Variants in VSNL1 observed in about 807,000 individuals in gnomAD.
VSNL1 encodes the protein visinin like 1.
In VSNL1, 6 loss-of-function variants were observed where a neutral mutation model predicts 20.4. That is an observed-to-expected ratio of 0.29 (90% CI 0.16 to 0.58). The LOEUF is 0.58. VSNL1 is among the 20% of genes least tolerant of loss of function. VSNL1 has a pLI of 0.90. For synonymous variants in VSNL1, 93 were observed against 86.4 expected (o/e 1.08, Z -0.42); for missense variants, 100 against 234.5 (o/e 0.43, Z 3.75).
At chr2:17,578,192 G>A (rs1266517942) in intron 1 of VSNL1, among the ~76,000 whole-genome samples, 2 of 152,122 alleles carry the variant, frequency 1.3e-5, no homozygotes, top group African/African-American at 4.8e-5. Flanking sequence ...TCCCTTCCCA[G>A]CTAGTAGATG....
rs545759912 is a variant in VSNL1 at position 17,542,094 on chromosome 2, A to G, written c.-6+1176A>G. Among the ~76,000 whole-genome samples the G allele has an allele frequency of 1.0e-3, 157 of 152,314 alleles. 1 individual carries two copies. Among genetic ancestry groups the G allele is most frequent in the African/African-American group, 3.5e-3 (144 of 41,564 alleles). Reference sequence around the variant, plus strand: ...AAGCTGGGGAGTTTTATTTCTACATATTAATATTTATTTTAATTTCTAAAG... The same window carrying G: ...AAGCTGGGGAGTTTTATTTCTACATGTTAATATTTATTTTAATTTCTAAAG... On this transcript the variant is annotated intron_variant, in intron 1 of 3. Coordinates refer to ENST00000295156, the MANE Select transcript of VSNL1 (RefSeq NM_003385.5).
chr2:17,630,154 G>A (rs899989451), intron 2 of VSNL1, among the ~76,000 whole-genome samples: 1 of 152,142 alleles, frequency 6.6e-6, no homozygotes, highest in African/African-American at 2.4e-5. Context: ...CTTGGATTTC[G>A]GGCTTTCAAC....
intron 2 of VSNL1, among the ~76,000 whole-genome samples, chr2:17,642,682 T>C (rs1259693863): frequency 1.3e-5 from 2 of 152,200 alleles, no homozygotes; most frequent in African/African-American, 2.4e-5. Context: ...TCATTTTTTA[T>C]AAAAAAGCAG....
At chr2:17,547,633 C>A (rs1332727620) in intron 1 of VSNL1, among the ~76,000 whole-genome samples, 1 of 152,046 alleles carries the variant, frequency 6.6e-6, no homozygotes, top group East Asian at 1.9e-4. Context: ...GGTATGGATG[C>A]ACAGAATTAT....
Position 17,642,309 on chromosome 2 carries a change from C to CTTTT in VSNL1, c.163-7087_163-7084dup, listed in dbSNP as rs577471307. Among the ~76,000 whole-genome samples the CTTTT allele has an allele frequency of 8.3e-4, 77 of 93,240 alleles. 11 individuals are homozygous for CTTTT. Among genetic ancestry groups the CTTTT allele is most frequent in the South Asian group, 1.9e-3 (5 of 2,588 alleles). The allele number at this position is 93,240 out of a possible 152,430, so 61.2% of individuals were successfully genotyped here. A position where few individuals can be genotyped will look rare whatever the true frequency, so the allele number is the denominator to read the frequency against. On this transcript the variant is annotated intron_variant, in intron 2 of 3. Coordinates refer to ENST00000295156, the MANE Select transcript of VSNL1 (RefSeq NM_003385.5). ...CTGGCTTTTCCCATGGTGAGCATTC[C>CTTTT]TTTTTTTTTTTTTTTTTGAGACAGA...
rs547169902 is a variant in VSNL1, at chr2:17,543,278, G to A, written c.-6+2360G>A. 2.6e-5 allele frequency among the ~76,000 whole-genome samples: 4 copies of A among 152,328 alleles called. No homozygotes were observed. In the South Asian group the frequency reaches 6.2e-4, roughly 24 times the overall value. On this transcript the variant is annotated intron_variant, in intron 1 of 3. Transcript: ENST00000295156. ...CTTGGCGTTTGCCGGGAGCACTAGCGTATCAGAATCTGCAGTTCCTGTTTG... is the reference window on the plus strand; with the variant it reads ...CTTGGCGTTTGCCGGGAGCACTAGCATATCAGAATCTGCAGTTCCTGTTTG...
At chr2:17,570,898 G>A (rs980968546) in intron 1 of VSNL1, among the ~76,000 whole-genome samples, 4 of 151,990 alleles carry the variant, frequency 2.6e-5, no homozygotes, top group Non-Finnish European at 5.9e-5. Flanking sequence ...TACCAGGTGC[G>A]GTGGTGGCGC....
rs144441857 is a variant in VSNL1, at chr2:17,550,655, T to C, written c.-6+9737T>C. Among the ~76,000 whole-genome samples, 357 of 152,264 alleles carry C rather than the reference T, an allele frequency of 2.3e-3. 1 individual carries two copies. Among genetic ancestry groups the C allele is most frequent in the African/African-American group, 8.5e-3 (351 of 41,538 alleles). On this transcript the variant is annotated intron_variant, in intron 1 of 3. Transcript: ENST00000295156. ...CATATACAGACCCAAATAATGTGAGTAAGGACAGTAAGACCAACAGGAGAA... is the reference window on the plus strand; with the variant it reads ...CATATACAGACCCAAATAATGTGAGCAAGGACAGTAAGACCAACAGGAGAA...
At chr2:17,540,534 A>T (rs77107028), upstream of VSNL1, 1 of 152,708 alleles carries the variant, frequency 6.5e-6, no homozygotes, top group Non-Finnish European at 1.5e-5. Context: ...AGCATGCGCC[A>T]TCGCCAGGCG....
At chr2:17,615,645 C>T (rs1456344643) in intron 2 of VSNL1, among the ~76,000 whole-genome samples, 1 of 152,224 alleles carries the variant, frequency 6.6e-6, no homozygotes, top group Admixed American at 6.5e-5. Context: ...TGGAGCTGGA[C>T]ATTTGTTTAG....
At position 17,655,129 on chromosome 2, in the gene VSNL1, G is replaced by C. The variant is rs1666199557; in HGVS notation, c.379-68G>C. On this transcript the variant is annotated intron_variant, in intron 3 of 3. Coordinates refer to ENST00000295156, the MANE Select transcript of VSNL1 (RefSeq NM_003385.5). This position sits in a 1 kb window ranked among gnomAD's most constrained non-coding sequence, Gnocchi z 5.2. ...GGGTGGGATCCCGTCAGGTGAAAGG[G>C]AGGCAAGAAGAGCTCTCTGTCCTCC... is the stretch of plus-strand genomic sequence containing the variant. 1 of 1,528,020 alleles carries C rather than the reference G, an allele frequency of 6.5e-7. No individual in the cohort carries two copies. The highest frequency in any genetic ancestry group is 9.0e-7 in the Non-Finnish European group (1 of 1,113,842). 94.7% of individuals were successfully genotyped at this position (1,528,020 alleles called of 1,614,324 possible). A position where few individuals can be genotyped will look rare whatever the true frequency, so the allele number is the denominator to read the frequency against.
chr2:17,615,952 C>G (rs1665207330), intron 2 of VSNL1, among the ~76,000 whole-genome samples: 1 of 152,184 alleles, frequency 6.6e-6, no homozygotes, highest in Non-Finnish European at 1.5e-5. Flanking sequence ...TCATTTTAGT[C>G]CAATTATCAT....
intron 1 of VSNL1, among the ~76,000 whole-genome samples, chr2:17,551,880 T>G (rs1036478229): frequency 7.6e-6 from 1 of 131,302 alleles, no homozygotes; most frequent in African/African-American, 2.9e-5. Flanking sequence ...CTAATAATAA[T>G]AGCTAGCAAT....
Position 17,604,606 on chromosome 2 carries a change from C to T in VSNL1, c.162+12370C>T, listed in dbSNP as rs1664902388. ...CGGGTAAAAACAGTAACACGGTGTT[C>T]CCGTGAGAACCAGCTGGGCCTGGCT... On this transcript the variant is annotated intron_variant, in intron 2 of 3. Transcript: ENST00000295156. Among the ~76,000 whole-genome samples the T allele has an allele frequency of 2.6e-5, 4 of 152,256 alleles. No individual in the cohort carries two copies. The South Asian group carries it at 8.3e-4, about 31-fold the overall frequency.
chr2:17,545,528 A>G (rs1300121582), intron 1 of VSNL1, among the ~76,000 whole-genome samples: 1 of 152,160 alleles, frequency 6.6e-6, no homozygotes, highest in African/African-American at 2.4e-5. Context: ...CTCCACTTAG[A>G]TCATGCTCTC....
chr2:17,559,476 A>C (rs1663763983), intron 1 of VSNL1, among the ~76,000 whole-genome samples: 1 of 151,812 alleles, frequency 6.6e-6, no homozygotes, highest in Non-Finnish European at 1.5e-5. Context: ...TCTTTTACAA[A>C]AAACATTGTC....
At chr2:17,631,776 GAAT>G (rs1665635514) in intron 2 of VSNL1, among the ~76,000 whole-genome samples, 2 of 152,214 alleles carry the variant, frequency 1.3e-5, no homozygotes, top group Non-Finnish European at 2.9e-5. Flanking sequence ...AGCACCAAAT[GAAT>G]AAATCTAGAG....
At chr2:17,644,663 G>A (rs1412891924) in intron 2 of VSNL1, among the ~76,000 whole-genome samples, 1 of 152,188 alleles carries the variant, frequency 6.6e-6, no homozygotes, top group African/African-American at 2.4e-5. Context: ...CCAGAAAAAT[G>A]ACCCTCCTGC....
intron 1 of VSNL1, among the ~76,000 whole-genome samples, chr2:17,572,241 T>C (rs1664101119): frequency 6.6e-6 from 1 of 152,230 alleles, no homozygotes; most frequent in African/African-American, 2.4e-5. Context: ...ATAAAAACTT[T>C]AGAAACTAGA....
Sources: allele counts gnomAD v4.1 joint callset (sites outside exome capture counted in the v4.1 genomes callset), GRCh38; gene constraint gnomAD v4.1.1; non-coding constraint Gnocchi (gnomAD v3.1); transcripts MANE v1.5; gene names NCBI Gene and HGNC (gene_info 2026-07-23, HGNC 2026-07-21).